The following ZNF277 variants were observed in gnomAD, a reference collection of about 807,000 sequenced individuals.
ZNF277 encodes zinc finger protein 277.
Under a neutral mutation model 60.7 loss-of-function variants are expected in ZNF277, and 55 were observed. That is an observed-to-expected ratio of 0.91 (90% confidence interval 0.73 to 1.13). The LOEUF (loss-of-function observed/expected upper bound fraction) is 1.13, where lower values mean the gene tolerates loss of function less well. ZNF277 is among the 50% of genes most tolerant of loss of function. The pLI is 0.00. For missense variants in ZNF277, 510 were observed against 523.0 expected (o/e 0.98, Z 0.24); for synonymous variants, 178 against 179.3 (o/e 0.99, Z 0.06).
chr7:112,242,146 TTTA>T (rs1790970993), intron 1 of ZNF277, among the ~76,000 whole-genome samples: 1 of 151,948 alleles, frequency 6.6e-6, no homozygotes, highest in Admixed American at 6.6e-5. Flanking sequence ...CCCATAAAAA[TTTA>T]AAATTTAAAA....
At chr7:112,250,069 G>A (rs908479951) in intron 1 of ZNF277, among the ~76,000 whole-genome samples, 10 of 152,172 alleles carry the variant, frequency 6.6e-5, no homozygotes, top group Admixed American at 1.3e-4. Flanking sequence ...AAGCAAATGG[G>A]AGAAATATCG....
chr7:112,268,967 G>A (rs1031754237), intron 1 of ZNF277, among the ~76,000 whole-genome samples: 1 of 152,122 alleles, frequency 6.6e-6, no homozygotes, highest in African/African-American at 2.4e-5. Context: ...CCACAGAAGT[G>A]TAAGCTAAAC....
At chr7:112,214,280 A>G (rs1455094913) in intron 1 of ZNF277, among the ~76,000 whole-genome samples, 2 of 152,236 alleles carry the variant, frequency 1.3e-5, no homozygotes, top group African/African-American at 4.8e-5. Context: ...GAAACAAGCA[A>G]TGTGCATAAA....
At chr7:112,271,334 T>C (rs1055898263) in intron 1 of ZNF277, among the ~76,000 whole-genome samples, 3 of 152,198 alleles carry the variant, frequency 2.0e-5, no homozygotes, top group African/African-American at 4.8e-5. Flanking sequence ...CATCATTTTA[T>C]TCCCTCATCC....
At chr7:112,288,856 T>G (rs1792133170) in intron 2 of ZNF277, 1 of 146,068 alleles carries the variant, frequency 6.8e-6, no homozygotes, top group African/African-American at 2.6e-5. Context: ...CCAGACAAGC[T>G]CTCAAGTCCA....
chr7:112,251,839 A>G (rs1378563561), intron 1 of ZNF277, among the ~76,000 whole-genome samples: 3 of 152,254 alleles, frequency 2.0e-5, no homozygotes, highest in South Asian at 4.1e-4. Context: ...TATGAAATTC[A>G]TACTGAGATT....
At chr7:112,312,661 T>C (rs1792757872) in intron 4 of ZNF277, among the ~76,000 whole-genome samples, 2 of 152,182 alleles carry the variant, frequency 1.3e-5, no homozygotes, top group Middle Eastern at 3.4e-3. Flanking sequence ...AATGTAAATA[T>C]TGAGTATAGG....
chr7:112,208,236 G>A (rs528784002), intron 1 of ZNF277, among the ~76,000 whole-genome samples: 15 of 151,980 alleles, frequency 9.9e-5, no homozygotes, highest in Non-Finnish European at 1.9e-4. Flanking sequence ...TTAGCCGGGC[G>A]TGGTGGCGGA....
intron 4 of ZNF277, among the ~76,000 whole-genome samples, chr7:112,299,162 G>T: frequency 6.6e-6 from 1 of 152,190 alleles, no homozygotes; most frequent in East Asian, 1.9e-4. Context: ...ACAATTTTAT[G>T]CTACATAGTG....
chr7:112,318,085 A>G, intron 4 of ZNF277, 97 bp from the exon 5 acceptor site: 3 of 950,948 alleles, frequency 3.2e-6, no homozygotes, highest in Non-Finnish European at 4.9e-6. Context: ...TACTCCCTTT[A>G]TGCTTCCAGC....
chr7:112,286,343 C>T (rs915845912), intron 1 of ZNF277, among the ~76,000 whole-genome samples: 1 of 152,206 alleles, frequency 6.6e-6, no homozygotes, highest in Non-Finnish European at 1.5e-5. Flanking sequence ...TGTGTCTACC[C>T]AGCGTGAGAG....
At chr7:112,233,328 G>GT (rs1205969553) in intron 1 of ZNF277, among the ~76,000 whole-genome samples, 8 of 152,282 alleles carry the variant, frequency 5.3e-5, no homozygotes, top group African/African-American at 1.9e-4. Flanking sequence ...TTCTGTGCCT[G>GT]TTAACCATTG....
Position 112,220,288 on chromosome 7 carries a change from A to AT in ZNF277, c.91+13492dup, listed in dbSNP as rs939742144. Reference sequence around the variant, plus strand: ...ACTCTTTGGTTCATTATTCCTAAGTATTTTTTTTTTTGGCAAGATTGTAAA... The same window carrying AT: ...ACTCTTTGGTTCATTATTCCTAAGTATTTTTTTTTTTTGGCAAGATTGTAAA... On this transcript the variant is annotated intron_variant, in intron 1 of 11. Coordinates refer to ENST00000361822, the MANE Select transcript of ZNF277 (RefSeq NM_021994.3). Among the ~76,000 whole-genome samples, 165 of 146,256 alleles carry AT rather than the reference A, an allele frequency of 1.1e-3. 1 individual carries two copies. The highest frequency in any genetic ancestry group is 7.8e-3 in the East Asian group (39 of 4,990).
intron 1 of ZNF277, among the ~76,000 whole-genome samples, chr7:112,214,601 A>T (rs1563193037): frequency 6.6e-6 from 1 of 152,198 alleles, no homozygotes; most frequent in Non-Finnish European, 1.5e-5. Context: ...TATTTGCAAC[A>T]TAGGCAGCTG....
intron 1 of ZNF277, among the ~76,000 whole-genome samples, chr7:112,235,426 T>C (rs991960431): frequency 6.6e-6 from 1 of 152,092 alleles, no homozygotes; most frequent in Non-Finnish European, 1.5e-5. Flanking sequence ...CCAACACTTG[T>C]TATTAGTTTT....
chr7:112,287,240 T>A, intron 2 of ZNF277, 166 bp downstream of exon 2: 1 of 645,492 alleles, frequency 1.5e-6, no homozygotes. Flanking sequence ...CTAGGATCAA[T>A]GGCATGCACC....
intron 1 of ZNF277, among the ~76,000 whole-genome samples, chr7:112,208,800 C>T (rs1418541483): frequency 6.6e-6 from 1 of 150,780 alleles, no homozygotes; most frequent in Non-Finnish European, 1.5e-5. Context: ...CCTGCCTCAG[C>T]CTCCCGAGTA....
At chr7:112,298,823 C>T (rs1470058984) in intron 4 of ZNF277, among the ~76,000 whole-genome samples, 1 of 152,308 alleles carries the variant, frequency 6.6e-6, no homozygotes, top group South Asian at 2.1e-4. Context: ...CCCAGGAACA[C>T]ATAGTGAATG....
At chr7:112,265,384 C>T (rs1359913105) in intron 1 of ZNF277, among the ~76,000 whole-genome samples, 3 of 152,152 alleles carry the variant, frequency 2.0e-5, no homozygotes, top group Non-Finnish European at 4.4e-5. Flanking sequence ...AGTAAGAACA[C>T]ACACGTTTAT....
Sources: gnomAD v4.1 joint callset for allele counts (sites outside exome capture counted in the v4.1 genomes callset) on GRCh38, gnomAD v4.1.1 for gene constraint, MANE v1.5 for transcripts, NCBI Gene and HGNC (gene_info 2026-07-23, HGNC 2026-07-21) for gene names.